ESYT3: variants seen among roughly 807,000 people sequenced by gnomAD.
ESYT3 encodes the protein extended synaptotagmin 3.
Under a neutral mutation model 111.5 loss-of-function variants are expected in ESYT3, and 101 were observed. The ratio of observed to expected loss-of-function variants is 0.91; its 90% CI spans 0.77 to 1.07. The LOEUF is 1.07. ESYT3 is among the 50% of genes least tolerant of loss of function. The pLI, the probability that ESYT3 is intolerant of heterozygous loss-of-function variation, is 0.00. For missense variants in ESYT3, 1,097 were observed against 1,109.4 expected, an observed-to-expected ratio of 0.99 and a Z score of 0.16; for synonymous variants, 416 against 446.8, an observed-to-expected ratio of 0.93 and a Z score of 0.87.
At position 138,472,285 on chromosome 3, in the gene ESYT3, A is replaced by G; in HGVS notation, c.1741-78A>G. 5.2e-6 allele frequency: 8 copies of G among 1,541,048 alleles called. No homozygotes were observed. In the South Asian group the frequency reaches 1.0e-4, roughly 20 times the overall value. On this transcript the variant is annotated intron_variant, in intron 17 of 22. Coordinates refer to ENST00000389567, the MANE Select transcript of ESYT3 (RefSeq NM_031913.5). The stretch of plus-strand genomic sequence containing the variant: ...TCTTTATAATTCACAACTGAGGGGA[A>G]AGGGGGAACGGGAAACAATGGCTGA...
intron 18 of ESYT3, 161 bp downstream of exon 18, chr3:138,473,020 GGA>G: frequency 6.8e-7 from 1 of 1,469,654 alleles, no homozygotes; most frequent in East Asian, 2.4e-5. Context: ...ACAGGACAAG[GGA>G]GAGAGAGCCA....
chr3:138,449,786 A>G (rs1348420557), intron 1 of ESYT3, among the ~76,000 whole-genome samples: 3 of 152,202 alleles, frequency 2.0e-5, no homozygotes, highest in Admixed American at 6.5e-5. Flanking sequence ...CTGATTCTGT[A>G]TTAGAGTGAT....
chr3:138,464,182 G>C (rs556316517), intron 8 of ESYT3, among the ~76,000 whole-genome samples, 163 bp from the exon 9 acceptor site: 1 of 152,210 alleles, frequency 6.6e-6, no homozygotes, highest in African/African-American at 2.4e-5. Context: ...TTGCTGTGTG[G>C]CCTTGGCCAG....
Position 138,468,096 on chromosome 3 carries a change from A to G in ESYT3, c.1219-9A>G. 2.5e-6 allele frequency: 4 copies of G among 1,613,732 alleles called. No individual in the cohort carries two copies. The highest frequency in any genetic ancestry group is 3.4e-6 in the Non-Finnish European group (4 of 1,179,868). On this transcript the variant is annotated splice_polypyrimidine_tract_variant and intron_variant, in intron 11 of 22. Transcript: ENST00000389567. ...CCTTTTCCCTGAGCTTTCTGCCCCTACCCCACAGTGGTTTGTCCTGAATGA... is the reference window on the plus strand; with the variant it reads ...CCTTTTCCCTGAGCTTTCTGCCCCTGCCCCACAGTGGTTTGTCCTGAATGA...
chr3:138,472,493 C>G lies in ESYT3; in HGVS notation c.1871C>G (p.Pro624Arg). The change falls in exon 18 of 23, where the codon CCT becomes CGT. Residue 624 changes from proline to arginine, a missense_variant. Pro to Arg is a moderately radical substitution (Grantham distance 103). Transcript: ENST00000389567. ...GPKAQPQEEGPTDLPCPPDPA... is the reference protein window; with the variant it reads ...GPKAQPQEEGRTDLPCPPDPA... ...AAAGCCCAACCTCAGGAAGAAGGCC[C>G]TACAGATTTGCCATGTCCCCCAGAC... The G allele has an allele frequency of 3.7e-6, 6 of 1,614,222 alleles. No homozygotes were observed. The highest frequency in any genetic ancestry group is 5.1e-6 in the Non-Finnish European group (6 of 1,180,040).
At position 138,434,939 on chromosome 3, in the gene ESYT3, G is replaced by A; in HGVS notation, c.141G>A (p.Gly47=). ...TFVVRVLFYL[G]PVYLAGYLGL... is the part of the protein sequence containing the mutation. ...TGGTGCGCGTGCTGTTCTACCTGGG[G>A]CCTGTCTACCTAGCTGGCTACCTGG... The change falls in exon 1 of 23, where the codon GGG becomes GGA. Residue 47 remains glycine, a synonymous_variant. Coordinates refer to ENST00000389567, the MANE Select transcript of ESYT3 (RefSeq NM_031913.5). 1 of 1,552,542 alleles carries A rather than the reference G, an allele frequency of 6.4e-7. No homozygotes were observed. Among genetic ancestry groups the A allele is most frequent in the South Asian group, 1.2e-5 (1 of 84,110 alleles).
chr3:138,449,305 C>T (rs538308628), intron 1 of ESYT3, among the ~76,000 whole-genome samples: 396 of 152,074 alleles, frequency 2.6e-3, no homozygotes, highest in Non-Finnish European at 4.4e-3. Context: ...AGGCTGGTCT[C>T]AAACTCCTGG....
intron 16 of ESYT3, 95 bp from the exon 17 acceptor site, chr3:138,470,782 C>A: frequency 6.3e-7 from 1 of 1,586,494 alleles, no homozygotes; most frequent in African/African-American, 1.3e-5. Flanking sequence ...ACAGTACAGA[C>A]TGAAGTAAAC....
In ESYT3 at chr3:138,464,395, C is replaced by T. The variant is rs1335039530; in HGVS notation, c.966C>T (p.Asp322=). 6.2e-7 allele frequency: 1 copy of T among 1,614,152 alleles called. No individual in the cohort carries two copies. The highest frequency in any genetic ancestry group is 8.5e-7 in the Non-Finnish European group (1 of 1,180,004). The change falls in exon 9 of 23, where the codon GAC becomes GAT. Residue 322 remains aspartate, a synonymous_variant. Coordinates refer to ENST00000389567, the MANE Select transcript of ESYT3 (RefSeq NM_031913.5). ...LLEAEQLAQK[D]NFLGLRGKSD... The stretch of plus-strand genomic sequence containing the variant: ...AGGCAGAGCAGCTGGCCCAGAAGGA[C>T]AACTTTCTGGGGCTCCGAGGCAAGT...
intron 1 of ESYT3, among the ~76,000 whole-genome samples, chr3:138,450,116 G>C (rs141337021): frequency 7.3e-4 from 111 of 152,320 alleles, no homozygotes; most frequent in African/African-American, 2.4e-3. Flanking sequence ...AGGGAGGACT[G>C]TTTCAGACAC....
rs531754778 is a variant in ESYT3 at position 138,479,456 on chromosome 3, A to G, written c.*2602A>G. ...ATATAACTGTGTCAGTCACTAATTC[A>G]TTACCTCTCAGCTTCAAATTGACGT... On this transcript the variant is annotated 3_prime_UTR_variant, in exon 23 of 23. Transcript: ENST00000389567. 3 of 152,350 alleles carry G rather than the reference A, an allele frequency of 2.0e-5. No individual in the cohort carries two copies. The East Asian group carries it at 5.8e-4, about 29-fold the overall frequency. The allele number at this position is 152,350 out of a possible 1,614,324, so 9.4% of individuals were successfully genotyped here. A position where few individuals can be genotyped will look rare whatever the true frequency, so the allele number is the denominator to read the frequency against.
intron 1 of ESYT3, among the ~76,000 whole-genome samples, chr3:138,447,502 G>T (rs1240210058): frequency 2.0e-5 from 3 of 152,080 alleles, no homozygotes; most frequent in Admixed American, 1.3e-4. Flanking sequence ...AAAACTAGAG[G>T]ATTTTATACC....
intron 3 of ESYT3, among the ~76,000 whole-genome samples, chr3:138,456,823 T>A (rs1266246694): frequency 6.6e-6 from 1 of 152,134 alleles, no homozygotes; most frequent in Non-Finnish European, 1.5e-5. Flanking sequence ...TTGGGGACCG[T>A]TGGTCTATGG....
intron 2 of ESYT3, among the ~76,000 whole-genome samples, chr3:138,452,391 T>TCCC (rs1191321780): frequency 6.6e-6 from 1 of 152,212 alleles, no homozygotes; most frequent in African/African-American, 2.4e-5. Context: ...AAGACATTAA[T>TCCC]TAGACAACAG....
chr3:138,475,567 A>G (rs778223610), intron 20 of ESYT3, among the ~76,000 whole-genome samples: 5 of 152,132 alleles, frequency 3.3e-5, no homozygotes, highest in Non-Finnish European at 7.3e-5. Context: ...TAAGAAAAAA[A>G]CTGAGAAGGG....
chr3:138,473,005 A>G, intron 18 of ESYT3, 146 bp downstream of exon 18: 4 of 1,489,750 alleles, frequency 2.7e-6, no homozygotes, highest in Admixed American at 4.9e-5. Flanking sequence ...TGTGGTAGAA[A>G]GAACACAGGA....
rs992717789 is a variant in ESYT3 at position 138,476,402 on chromosome 3, G to A, written c.2575-41G>A. On this transcript the variant is annotated intron_variant, in intron 21 of 22. Coordinates refer to ENST00000389567, the MANE Select transcript of ESYT3 (RefSeq NM_031913.5). ...CCTTATCCCAATTTCTTTCCTTAAT[G>A]CAGTGTTTTGGAGGGGAACTAATTA... is the stretch of plus-strand genomic sequence containing the variant. The A allele has an allele frequency of 2.5e-6, 4 of 1,607,758 alleles. No individual in the cohort carries two copies. The South Asian group carries it at 4.4e-5, about 18-fold the overall frequency.
At chr3:138,446,345 A>G (rs915012329) in intron 1 of ESYT3, among the ~76,000 whole-genome samples, 3 of 152,218 alleles carry the variant, frequency 2.0e-5, no homozygotes, top group African/African-American at 7.2e-5. Flanking sequence ...CTAGCACTCC[A>G]CTACTGGAGA....
chr3:138,452,196 CTGA>C, intron 2 of ESYT3, 107 bp downstream of exon 2: 6 of 1,089,716 alleles, frequency 5.5e-6, no homozygotes, highest in Non-Finnish European at 6.7e-6. Context: ...ATTTCCTTGC[CTGA>C]CGCGGGCAGG....
Sources: allele counts gnomAD v4.1 joint callset (sites outside exome capture counted in the v4.1 genomes callset), GRCh38; gene constraint gnomAD v4.1.1; transcripts MANE v1.5; gene names NCBI Gene and HGNC (gene_info 2026-07-23, HGNC 2026-07-21).